Variants in GALNT9 observed in about 807,000 individuals in gnomAD.
The protein encoded by GALNT9 is polypeptide N-acetylgalactosaminyltransferase 9, also known as GalNAc transferase 9.
Under a neutral mutation model 63.1 loss-of-function variants are expected in GALNT9, and 47 were observed. The ratio of observed to expected loss-of-function variants is 0.75; its 90% CI spans 0.59 to 0.95. The LOEUF is 0.95. Ranked by LOEUF, GALNT9 falls within the 40% of genes least tolerant of loss-of-function variation. The probability of loss-of-function intolerance (pLI) is 0.00; values close to 1 mark genes in which losing one functional copy is unlikely to be tolerated. For missense variants in GALNT9, 829 were observed against 874.8 expected, an observed-to-expected ratio of 0.95 and a Z score of 0.66; for synonymous variants, 396 against 365.7, an observed-to-expected ratio of 1.08 and a Z score of -0.94.
intron 6 of GALNT9, among the ~76,000 whole-genome samples, chr12:132,209,297 TGGGTGGATCATGAAGTCAAGA>T (rs1307703494): frequency 6.6e-6 from 1 of 151,856 alleles, no homozygotes; most frequent in Non-Finnish European, 1.5e-5. Flanking sequence ...GAGGCTGAGG[TGGGTGGATCATGAAGTCAAGA>T]GATCGTGACC....
chr12:132,244,038 C>T (rs1878592853), intron 6 of GALNT9, among the ~76,000 whole-genome samples: 1 of 150,302 alleles, frequency 6.7e-6, no homozygotes, highest in Admixed American at 6.6e-5. Flanking sequence ...GGCAGTGCAA[C>T]CTCAGGGGCG....
chr12:132,219,947 TAAGGGG>T (rs561264389), intron 6 of GALNT9, among the ~76,000 whole-genome samples: 2 of 151,940 alleles, frequency 1.3e-5, no homozygotes, highest in African/African-American at 4.8e-5. Flanking sequence ...CCCGCCTGGG[TAAGGGG>T]AAGGGGCACC....
chr12:132,244,219 G>A (rs1212359619), intron 6 of GALNT9, among the ~76,000 whole-genome samples: 1 of 126,468 alleles, frequency 7.9e-6, no homozygotes, highest in Non-Finnish European at 1.7e-5. Context: ...ACTGGAAAGC[G>A]GTGGTCAGCA....
intron 2 of GALNT9, chr12:132,278,226 C>T (rs1484876708): frequency 6.6e-6 from 1 of 152,222 alleles, no homozygotes; most frequent in African/African-American, 2.4e-5. Context: ...CTCCTTCCCA[C>T]CACAGCGTGG....
At chr12:132,284,462 A>C (rs1351256286) in intron 2 of GALNT9, 5 of 152,228 alleles carry the variant, frequency 3.3e-5, no homozygotes, top group African/African-American at 1.2e-4. Context: ...TGTTTCTTTA[A>C]ACTGGCCTAT....
At chr12:132,257,177 G>A (rs1555239153) in intron 5 of GALNT9, among the ~76,000 whole-genome samples, 1 of 152,208 alleles carries the variant, frequency 6.6e-6, no homozygotes. Flanking sequence ...TTTTTAAAAT[G>A]TCAAACACAA....
At chr12:132,228,521 C>T (rs1429345513) in intron 6 of GALNT9, among the ~76,000 whole-genome samples, 50 of 148,412 alleles carry the variant, frequency 3.4e-4, no homozygotes, top group African/African-American at 7.9e-4. Flanking sequence ...GGAAGGGTGA[C>T]ACCTCTTTGC....
At chr12:132,304,238 C>G (rs377189061) in intron 1 of GALNT9, among the ~76,000 whole-genome samples, 1 of 37,538 alleles carries the variant, frequency 2.7e-5, no homozygotes, top group Non-Finnish European at 4.9e-5. Context: ...CCGGGGCACA[C>G]CCTCACCCAG....
chr12:132,200,221 G>A (rs1355309720), intron 8 of GALNT9, among the ~76,000 whole-genome samples: 1 of 152,200 alleles, frequency 6.6e-6, no homozygotes, highest in Non-Finnish European at 1.5e-5. Context: ...CCTTTTCCTT[G>A]CCCCATCCGA....
intron 1 of GALNT9, among the ~76,000 whole-genome samples, chr12:132,297,381 C>T (rs1881113133): frequency 6.6e-6 from 1 of 152,092 alleles, no homozygotes; most frequent in African/African-American, 2.4e-5. Flanking sequence ...AACCAACTCA[C>T]TCCCATGATA....
chr12:132,263,418 G>A (rs563221334), intron 2 of GALNT9, among the ~76,000 whole-genome samples: 8 of 147,982 alleles, frequency 5.4e-5, no homozygotes, highest in African/African-American at 1.1e-4. Context: ...AAGGAAGTAC[G>A]TCCTAGGACG....
chr12:132,209,323 G>A (rs1311559145), intron 6 of GALNT9, among the ~76,000 whole-genome samples: 3 of 151,996 alleles, frequency 2.0e-5, no homozygotes, highest in East Asian at 1.9e-4. Flanking sequence ...TCAAGAGATC[G>A]TGACCATCCT....
intron 1 of GALNT9, among the ~76,000 whole-genome samples, chr12:132,306,018 T>TCAGGACAGGGGGGCTCAC (rs1881598353): frequency 6.6e-6 from 1 of 151,910 alleles, no homozygotes; most frequent in Non-Finnish European, 1.5e-5. Flanking sequence ...GGGGGGCTCA[T>TCAGGACAGGGGGGCTCAC]GGCGGGGCCC....
chr12:132,291,439 CCCA>C (rs1880836476), intron 1 of GALNT9, among the ~76,000 whole-genome samples: 1 of 142,638 alleles, frequency 7.0e-6, no homozygotes, highest in Non-Finnish European at 1.5e-5. Context: ...AACCACAGCG[CCCA>C]CGTCCACATC....
chr12:132,225,027 C>T (rs1167034918), intron 6 of GALNT9, among the ~76,000 whole-genome samples: 1 of 129,926 alleles, frequency 7.7e-6, no homozygotes, highest in Admixed American at 7.5e-5. Context: ...CCCCCACACA[C>T]CACATAACCC....
At position 132,261,129 on chromosome 12, in the gene GALNT9, A is replaced by G. The variant is rs1566003765; in HGVS notation, c.587-7T>C. 2 of 1,550,478 alleles carry G rather than the reference A, an allele frequency of 1.3e-6. No homozygotes were observed. Among genetic ancestry groups the G allele is most frequent in the Non-Finnish European group, 1.7e-6 (2 of 1,146,720 alleles). On this transcript the variant is annotated splice_region_variant and splice_polypyrimidine_tract_variant and intron_variant, in intron 3 of 10. Coordinates refer to ENST00000328957, the MANE Select transcript of GALNT9 (RefSeq NM_001122636.2). ...AGATTGAACTTGAGTTCCACTGAGG[A>G]GAGACAAGACTTTAGCACGCTGGCA...
chr12:132,219,401 G>C (rs1251743847), intron 6 of GALNT9, among the ~76,000 whole-genome samples: 3 of 152,228 alleles, frequency 2.0e-5, no homozygotes, highest in Non-Finnish European at 2.9e-5. Context: ...CATAGCTCAT[G>C]AGGAGCAGAA....
intron 2 of GALNT9, among the ~76,000 whole-genome samples, chr12:132,267,768 C>T (rs1879667388): frequency 7.6e-6 from 1 of 131,182 alleles, no homozygotes; most frequent in African/African-American, 4.0e-5. Flanking sequence ...CACACACATG[C>T]ACTCACACAC....
At chr12:132,260,083 T>G (rs1241302694) in intron 4 of GALNT9, among the ~76,000 whole-genome samples, 1 of 114,906 alleles carries the variant, frequency 8.7e-6, no homozygotes, top group Non-Finnish European at 1.8e-5. Context: ...GTAGGTGCCC[T>G]CTGTGGGGCT....
Sources: gnomAD v4.1 joint callset for allele counts (sites outside exome capture counted in the v4.1 genomes callset) on GRCh38, gnomAD v4.1.1 for gene constraint, MANE v1.5 for transcripts, NCBI Gene and HGNC (gene_info 2026-07-23, HGNC 2026-07-21) for gene names.